The following ZDHHC11B variants were observed in gnomAD, a reference collection of about 807,000 sequenced individuals.
The protein encoded by ZDHHC11B is zDHHC palmitoyltransferase 11B (putative), also known as probable palmitoyltransferase ZDHHC11B.
In ZDHHC11B, 17 loss-of-function variants were observed where a neutral mutation model predicts 42.3. The ratio of observed to expected loss-of-function variants is 0.40; its 90% CI spans 0.27 to 0.60. The LOEUF (loss-of-function observed/expected upper bound fraction) is 0.60. ZDHHC11B is among the 20% of genes least tolerant of loss of function. ZDHHC11B has a pLI of 0.41. For missense variants in ZDHHC11B, 262 were observed against 463.2 expected (o/e 0.57, Z 3.99); for synonymous variants, 123 against 193.5 (o/e 0.64, Z 3.02).
intron 11 of ZDHHC11B, chr5:732,559 T>A (rs1339450505): frequency 4.7e-6 from 2 of 423,942 alleles, no homozygotes; most frequent in Admixed American, 5.2e-5. Flanking sequence ...AAGGGGCAAG[T>A]CTTGGACACC....
chr5:774,839 C>T (rs1459216782), intron 1 of ZDHHC11B, among the ~76,000 whole-genome samples: 1 of 151,886 alleles, frequency 6.6e-6, no homozygotes, highest in Non-Finnish European at 1.5e-5. Context: ...GGGCCAGCTG[C>T]TGTTTTAAAG....
chr5:776,833 G>A (rs1389494509), intron 1 of ZDHHC11B, among the ~76,000 whole-genome samples: 5 of 151,880 alleles, frequency 3.3e-5, no homozygotes. Context: ...GAGCCCATTT[G>A]GGTGCAGCAC....
At chr5:749,651 T>A (rs1214408927) in intron 7 of ZDHHC11B, among the ~76,000 whole-genome samples, 2 of 129,936 alleles carry the variant, frequency 1.5e-5, no homozygotes, top group African/African-American at 5.0e-5. Context: ...AGGAATTCGC[T>A]CAGGCCACAA....
chr5:775,574 C>T (rs1208025348), intron 1 of ZDHHC11B, among the ~76,000 whole-genome samples: 2 of 151,858 alleles, frequency 1.3e-5, no homozygotes, highest in Non-Finnish European at 2.9e-5. Flanking sequence ...AGGAGCCCCG[C>T]GTGCTTCTGC....
At chr5:780,470 C>T (rs977547739) in intron 1 of ZDHHC11B, among the ~76,000 whole-genome samples, 1 of 150,844 alleles carries the variant, frequency 6.6e-6, no homozygotes, top group Non-Finnish European at 1.5e-5. Context: ...CACTATTGAT[C>T]CACGTTAGCC....
intron 11 of ZDHHC11B, among the ~76,000 whole-genome samples, chr5:731,113 A>G (rs928432369): frequency 1.2e-4 from 18 of 151,824 alleles, no homozygotes; most frequent in South Asian, 6.2e-4. Context: ...GGCTCATATG[A>G]TAAGTACATG....
Position 776,292 on chromosome 5 carries a change from T to TCCCA in ZDHHC11B, c.-229-7366_-229-7363dup, listed in dbSNP as rs1736475034. ...CCCTCCAATGTCCCACGGCCACAGG[T>TCCCA]CCCACCTTGGCACCGAAGCCCTGGG... is the stretch of plus-strand genomic sequence containing the variant. On this transcript the variant is annotated intron_variant, in intron 1 of 13. Transcript: ENST00000508859. Among the ~76,000 whole-genome samples, 4 of 151,752 alleles carry TCCCA rather than the reference T, an allele frequency of 2.6e-5. No individual in the cohort carries two copies. In the South Asian group the frequency reaches 8.4e-4, roughly 32 times the overall value.
At chr5:767,820 C>T (rs368807) in intron 2 of ZDHHC11B, among the ~76,000 whole-genome samples, 2 of 36,900 alleles carry the variant, frequency 5.4e-5, no homozygotes, top group East Asian at 6.1e-4. Context: ...GTGGGCAGAG[C>T]GCACCGTCTG....
intron 4 of ZDHHC11B, among the ~76,000 whole-genome samples, chr5:762,718 C>CT (rs748025891): frequency 5.6e-4 from 85 of 151,770 alleles, no homozygotes; most frequent in Admixed American, 1.4e-3. Context: ...GAAAGGTCTA[C>CT]AATCAATGAC....
chr5:763,024 T>G (rs1316059885), intron 4 of ZDHHC11B, among the ~76,000 whole-genome samples: 2 of 151,840 alleles, frequency 1.3e-5, no homozygotes, highest in Non-Finnish European at 2.9e-5. Flanking sequence ...TGTAAACACC[T>G]GTATTCCAAG....
chr5:775,414 C>G (rs1162560297), intron 1 of ZDHHC11B, among the ~76,000 whole-genome samples: 2 of 152,102 alleles, frequency 1.3e-5, no homozygotes, highest in African/African-American at 4.8e-5. Context: ...TGAGGGAGAA[C>G]CTGTCTCTGC....
intron 11 of ZDHHC11B, among the ~76,000 whole-genome samples, chr5:731,071 C>T (rs1232775274): frequency 3.3e-5 from 5 of 151,840 alleles, no homozygotes; most frequent in African/African-American, 1.2e-4. Flanking sequence ...GTTCTCAGTG[C>T]TCTTGGTTAA....
chr5:754,570 C>T (rs1437089799), intron 6 of ZDHHC11B, among the ~76,000 whole-genome samples: 5 of 128,962 alleles, frequency 3.9e-5, no homozygotes, highest in African/African-American at 7.8e-5. Flanking sequence ...AGGGGAAACA[C>T]CTCTCATCTG....
chr5:761,549 T>G (rs1335834081), intron 4 of ZDHHC11B, among the ~76,000 whole-genome samples: 1 of 151,880 alleles, frequency 6.6e-6, no homozygotes, highest in Non-Finnish European at 1.5e-5. Flanking sequence ...GAGAGGCCAC[T>G]ACTCAGAACT....
chr5:775,398 A>C (rs1187932675), intron 1 of ZDHHC11B, among the ~76,000 whole-genome samples: 1 of 151,978 alleles, frequency 6.6e-6, no homozygotes, highest in Non-Finnish European at 1.5e-5. Context: ...TCATGCAGGC[A>C]CAGCCTGAGG....
intron 12 of ZDHHC11B, among the ~76,000 whole-genome samples, chr5:725,797 A>C: frequency 6.6e-6 from 1 of 152,358 alleles, no homozygotes. Context: ...TCTGCTTGTC[A>C]GCAGATCCCA....
chr5:722,858 T>A (rs1274842933), intron 12 of ZDHHC11B, among the ~76,000 whole-genome samples: 1 of 151,432 alleles, frequency 6.6e-6, no homozygotes, highest in Non-Finnish European at 1.5e-5. Flanking sequence ...CCTTGGCAAT[T>A]TAGTACTAAG....
chr5:774,288 G>C (rs1376245671), intron 1 of ZDHHC11B, among the ~76,000 whole-genome samples: 7 of 152,140 alleles, frequency 4.6e-5, no homozygotes, highest in South Asian at 4.1e-4. Flanking sequence ...GACAGGGCTG[G>C]GGAAACAGCA....
intron 4 of ZDHHC11B, 101 bp downstream of exon 4, chr5:766,597 G>A (rs1488683927): frequency 9.4e-6 from 12 of 1,275,238 alleles, no homozygotes; most frequent in Non-Finnish European, 1.3e-5. Context: ...ACAGGTGACT[G>A]GTGCCACCGG....
Sources: gnomAD v4.1 joint callset for allele counts (sites outside exome capture counted in the v4.1 genomes callset) on GRCh38, gnomAD v4.1.1 for gene constraint, MANE v1.5 for transcripts, NCBI Gene and HGNC (gene_info 2026-07-23, HGNC 2026-07-21) for gene names.